Variants in KCMF1 observed in about 807,000 individuals in gnomAD.
KCMF1 encodes E3 ubiquitin-protein ligase KCMF1.
A neutral mutation model predicts 41.1 loss-of-function variants in KCMF1; 3 were observed. That is an observed-to-expected ratio of 0.07 (90% confidence interval 0.03 to 0.19). The LOEUF (loss-of-function observed/expected upper bound fraction) is 0.19, where lower values mean the gene tolerates loss of function less well. KCMF1 is among the 10% of genes least tolerant of loss of function. The probability of loss-of-function intolerance (pLI) is 1.00; values close to 1 mark genes in which losing one functional copy is unlikely to be tolerated. For missense variants in KCMF1, 286 were observed against 488.9 expected, an observed-to-expected ratio of 0.58 and a Z score of 3.91; for synonymous variants, 142 against 164.5, an observed-to-expected ratio of 0.86 and a Z score of 1.04.
At chr2:85,030,515 G>GA (rs1386776505) in intron 2 of KCMF1, among the ~76,000 whole-genome samples, 1 of 152,070 alleles carries the variant, frequency 6.6e-6, no homozygotes, top group Non-Finnish European at 1.5e-5. Context: ...TTTATATGTG[G>GA]AATGAGGTAA....
intron 1 of KCMF1, among the ~76,000 whole-genome samples, chr2:85,009,790 A>G (rs1340100417): frequency 6.6e-6 from 1 of 152,172 alleles, no homozygotes; most frequent in African/African-American, 2.4e-5. Flanking sequence ...ACCCTCTTTA[A>G]TGAATAAACT....
chr2:84,974,832 C>G (rs1448419075), intron 1 of KCMF1, among the ~76,000 whole-genome samples: 14 of 149,070 alleles, frequency 9.4e-5, no homozygotes, highest in African/African-American at 3.5e-4. Flanking sequence ...CAGCCTCCCG[C>G]GTAGCTGGGA....
intron 1 of KCMF1, among the ~76,000 whole-genome samples, chr2:85,022,718 C>G (rs1268319317): frequency 6.6e-6 from 1 of 152,086 alleles, no homozygotes; most frequent in Non-Finnish European, 1.5e-5. Flanking sequence ...AAAAACGTTG[C>G]ATTTCAAGAT....
intron 1 of KCMF1, among the ~76,000 whole-genome samples, chr2:84,979,883 C>T (rs188485831): frequency 1.5e-4 from 22 of 151,676 alleles, no homozygotes; most frequent in African/African-American, 4.8e-4. Context: ...AGTGCAGTGG[C>T]GCGATCTCGG....
rs372967361 is a variant in KCMF1 at position 85,007,601 on chromosome 2, C to T, written c.17-20288C>T. Among the ~76,000 whole-genome samples, 9 of 152,212 alleles carry T rather than the reference C, an allele frequency of 5.9e-5. No individual in the cohort carries two copies. The South Asian group carries it at 6.2e-4, about 11-fold the overall frequency. ...ATCAGCTGAACCTTTTTCCTTAAGG[C>T]GAGATCAGGAACTTCGACATCACTT... On this transcript the variant is annotated intron_variant, in intron 1 of 6. Coordinates refer to ENST00000409785, the MANE Select transcript of KCMF1 (RefSeq NM_020122.5).
At chr2:85,021,205 C>G (rs1337838261) in intron 1 of KCMF1, among the ~76,000 whole-genome samples, 1 of 152,070 alleles carries the variant, frequency 6.6e-6, no homozygotes, top group Non-Finnish European at 1.5e-5. Flanking sequence ...ATTTGGTTGT[C>G]TTAAGTTGAT....
intron 1 of KCMF1, among the ~76,000 whole-genome samples, chr2:85,008,267 TATA>T (rs1416999772): frequency 9.3e-6 from 1 of 107,884 alleles, no homozygotes; most frequent in Non-Finnish European, 1.8e-5. Flanking sequence ...ATATATCATA[TATA>T]ATATATAATA....
At chr2:84,979,510 C>T (rs1024910556) in intron 1 of KCMF1, among the ~76,000 whole-genome samples, 3 of 122,200 alleles carry the variant, frequency 2.5e-5, no homozygotes, top group African/African-American at 6.1e-5. Flanking sequence ...GCAACAAGAG[C>T]GAAATTCTGT....
rs536590301 is a variant in KCMF1, at chr2:85,054,197, T to TG, written c.*789dup. On this transcript the variant is annotated 3_prime_UTR_variant, in exon 7 of 7. Coordinates refer to ENST00000409785, the MANE Select transcript of KCMF1 (RefSeq NM_020122.5). ...ATGTTTGTTTAAAGTTTTTACTTTT[T>TG]GTGGTTGTTTAAAATTTTTTCAATT... 132 of 152,386 alleles carry TG rather than the reference T, an allele frequency of 8.7e-4. No individual in the cohort carries two copies. The highest frequency in any genetic ancestry group is 3.1e-3 in the African/African-American group (128 of 41,596). The allele number at this position is 152,386 out of a possible 1,614,324, so 9.4% of individuals were successfully genotyped here. A position where few individuals can be genotyped will look rare whatever the true frequency, so the allele number is the denominator to read the frequency against.
chr2:85,008,115 C>CCT (rs1157084369), intron 1 of KCMF1, among the ~76,000 whole-genome samples: 5 of 151,082 alleles, frequency 3.3e-5, no homozygotes, highest in Non-Finnish European at 5.9e-5. Flanking sequence ...AATTACTGAA[C>CCT]CTCTGTTCCT....
Position 85,055,956 on chromosome 2 carries a change from C to T in KCMF1, c.*2547C>T, listed in dbSNP as rs1307194390. On this transcript the variant is annotated 3_prime_UTR_variant, in exon 7 of 7. Transcript: ENST00000409785. Reference sequence around the variant, plus strand: ...TTGTCTTTACTTCCTGTTTAGAAATCATTTAAATCTTTCCCCTCGAGGTGC... The same window carrying T: ...TTGTCTTTACTTCCTGTTTAGAAATTATTTAAATCTTTCCCCTCGAGGTGC... 1 of 152,052 alleles carries T rather than the reference C, an allele frequency of 6.6e-6. No individual in the cohort carries two copies. The highest frequency in any genetic ancestry group is 1.9e-4 in the East Asian group (1 of 5,194). 9.4% of individuals were successfully genotyped at this position (152,052 alleles called of 1,614,324 possible). A position where few individuals can be genotyped will look rare whatever the true frequency, so the allele number is the denominator to read the frequency against.
chr2:84,979,757 A>G (rs1042293919), intron 1 of KCMF1, among the ~76,000 whole-genome samples: 22 of 152,096 alleles, frequency 1.4e-4, no homozygotes, highest in African/African-American at 5.3e-4. Context: ...CAGTCTTTGA[A>G]GTTATTCATT....
At chr2:85,029,865 A>T (rs1675221958) in intron 2 of KCMF1, among the ~76,000 whole-genome samples, 1 of 151,640 alleles carries the variant, frequency 6.6e-6, no homozygotes, top group Non-Finnish European at 1.5e-5. Context: ...TTGTATTTTT[A>T]ATAGAGACAG....
rs145374138 is a variant in KCMF1 at position 85,020,640 on chromosome 2, C to T, written c.17-7249C>T. Among the ~76,000 whole-genome samples, 1,413 of 152,200 alleles carry T rather than the reference C, an allele frequency of 9.3e-3. 16 individuals are homozygous for T. The highest frequency in any genetic ancestry group is 0.032 in the African/African-American group (1,325 of 41,506). On this transcript the variant is annotated intron_variant, in intron 1 of 6. Transcript: ENST00000409785. ...ACTGGGTTTCTCCATGTTTCCCAGG[C>T]TGGTCTCAAACTCCTGCACTCAAAC...
chr2:85,008,274 TA>T (rs1674528310), intron 1 of KCMF1, among the ~76,000 whole-genome samples: 1 of 106,822 alleles, frequency 9.4e-6, no homozygotes, highest in African/African-American at 3.8e-5. Flanking sequence ...ATATATAATA[TA>T]TAATATGATA....
intron 1 of KCMF1, among the ~76,000 whole-genome samples, chr2:84,986,889 AG>A (rs1673914143): frequency 6.6e-6 from 1 of 152,162 alleles, no homozygotes; most frequent in Non-Finnish European, 1.5e-5. Context: ...CTCAAAAAAA[AG>A]AAAGAAAGGT....
chr2:84,984,889 A>G (rs909252620), intron 1 of KCMF1, among the ~76,000 whole-genome samples: 5 of 152,054 alleles, frequency 3.3e-5, no homozygotes, highest in Non-Finnish European at 2.9e-5. Context: ...GGGCCTCACT[A>G]TGTTGCCCAG....
chr2:85,024,717 C>T (rs1675051732), intron 1 of KCMF1, among the ~76,000 whole-genome samples: 1 of 151,728 alleles, frequency 6.6e-6, no homozygotes, highest in African/African-American at 2.4e-5. Flanking sequence ...CTTTTGAATC[C>T]GTCTTTAAAC....
At chr2:85,043,844 G>A (rs770069914) in intron 4 of KCMF1, among the ~76,000 whole-genome samples, 179 bp downstream of exon 4, 5 of 152,112 alleles carry the variant, frequency 3.3e-5, no homozygotes, top group Non-Finnish European at 7.3e-5. Context: ...ATGTGCCACT[G>A]CATCCAGCTT....
Sources: gnomAD v4.1 joint callset for allele counts (sites outside exome capture counted in the v4.1 genomes callset) on GRCh38, gnomAD v4.1.1 for gene constraint, MANE v1.5 for transcripts, NCBI Gene and HGNC (gene_info 2026-07-23, HGNC 2026-07-21) for gene names.